The following NFASC variants were observed in gnomAD, a reference collection of about 807,000 sequenced individuals.
NFASC encodes the protein neurofascin, also known as neurofascin homolog.
Under a neutral mutation model 147.5 loss-of-function variants are expected in NFASC, and 43 were observed. That is an observed-to-expected ratio of 0.29 (90% CI 0.23 to 0.38). The LOEUF (loss-of-function observed/expected upper bound fraction) is 0.38. Among genes scored for constraint, NFASC ranks in the 10% least tolerant of loss-of-function variants. The pLI is 1.00. For missense variants in NFASC, 1,320 were observed against 1,689.0 expected (o/e 0.78, Z 3.83); for synonymous variants, 622 against 665.5 (o/e 0.93, Z 1.01).
At chr1:204,880,161 C>T (rs2079872641) in intron 1 of NFASC, among the ~76,000 whole-genome samples, 1 of 152,146 alleles carries the variant, frequency 6.6e-6, no homozygotes, top group African/African-American at 2.4e-5. Flanking sequence ...GCCCCTCATC[C>T]CTGTCCATGT....
intron 24 of NFASC, among the ~76,000 whole-genome samples, chr1:204,993,132 G>T (rs370851630): frequency 6.6e-6 from 1 of 152,178 alleles, no homozygotes; most frequent in Non-Finnish European, 1.5e-5. Flanking sequence ...CTGGCGTCCG[G>T]CCCACTGCTG....
At chr1:204,902,923 T>C (rs936946576) in intron 1 of NFASC, among the ~76,000 whole-genome samples, 2 of 152,222 alleles carry the variant, frequency 1.3e-5, no homozygotes, top group Admixed American at 6.5e-5. Flanking sequence ...TGTGAATGTA[T>C]TTCCGCAGCC....
chr1:204,834,455 C>T (rs1376038247), intron 1 of NFASC, among the ~76,000 whole-genome samples: 1 of 152,094 alleles, frequency 6.6e-6, no homozygotes, highest in African/African-American at 2.4e-5. Flanking sequence ...CCCTATCATC[C>T]CCTCCCGGCT....
intron 1 of NFASC, among the ~76,000 whole-genome samples, chr1:204,904,093 G>T (rs920224166): frequency 6.6e-5 from 10 of 152,004 alleles, no homozygotes; most frequent in Non-Finnish European, 1.3e-4. Flanking sequence ...CGAGTTTTTC[G>T]TGTGTGTGTT....
intron 1 of NFASC, among the ~76,000 whole-genome samples, chr1:204,904,732 A>C (rs1333353802): frequency 6.6e-6 from 1 of 152,206 alleles, no homozygotes; most frequent in Non-Finnish European, 1.5e-5. Flanking sequence ...TTATTGGAAC[A>C]GCTTTTCTTT....
In NFASC at chr1:204,919,520, A is replaced by G. The variant is rs145031298; in HGVS notation, c.-199-1112A>G. ...ATTGTAGGTATATAGGATATATTTT[A>G]AATAGATTCCTGGAATTGGGATTGT... is the stretch of plus-strand genomic sequence containing the variant. On this transcript the variant is annotated intron_variant, in intron 1 of 29. Transcript: ENST00000339876. Among the ~76,000 whole-genome samples the G allele has an allele frequency of 3.2e-3, 488 of 152,296 alleles. 11 individuals are homozygous for G. Among genetic ancestry groups the G allele is most frequent in the East Asian group, 0.013 (65 of 5,178 alleles).
intron 2 of NFASC, among the ~76,000 whole-genome samples, chr1:204,935,435 G>A (rs559043306): frequency 3.3e-4 from 51 of 152,362 alleles, no homozygotes; most frequent in African/African-American, 1.2e-3. Context: ...ATGTGTCTGG[G>A]AAACTGGAGA....
At chr1:204,977,431 A>AG (rs1162819815) in intron 16 of NFASC, among the ~76,000 whole-genome samples, 1 of 152,180 alleles carries the variant, frequency 6.6e-6, no homozygotes, top group Non-Finnish European at 1.5e-5. Flanking sequence ...AGTTGCAGAG[A>AG]GGGTGGGCCC....
At chr1:204,963,139 G>C (rs2094770914) in intron 8 of NFASC, among the ~76,000 whole-genome samples, 1 of 152,294 alleles carries the variant, frequency 6.6e-6, no homozygotes, top group South Asian at 2.1e-4. Flanking sequence ...ATGAGTGACT[G>C]GAGAAGGGGA....
rs1422835873 is a variant in NFASC at position 204,987,664 on chromosome 1, G to A, written c.2593+124G>A. On this transcript the variant is annotated intron_variant, in intron 22 of 29. Transcript: ENST00000339876. The surrounding 1 kb of genome is among the most constrained non-coding windows in gnomAD (Gnocchi z 4.4). ...CAGATGGCATTGTGGAGGGATGGAG[G>A]GGCCAACGAAACAGTTCCCAATAGG... The A allele has an allele frequency of 2.7e-6, 3 of 1,117,752 alleles. No homozygotes were observed. Among genetic ancestry groups the A allele is most frequent in the South Asian group, 1.4e-5 (1 of 70,518 alleles). 69.2% of individuals were successfully genotyped at this position (1,117,752 alleles called of 1,614,324 possible). A position where few individuals can be genotyped will look rare whatever the true frequency, so the allele number is the denominator to read the frequency against.
At chr1:204,897,198 G>A (rs995396481) in intron 1 of NFASC, among the ~76,000 whole-genome samples, 45 of 152,284 alleles carry the variant, frequency 3.0e-4, no homozygotes, top group Non-Finnish European at 5.4e-4. Context: ...AGGATATCAA[G>A]GAAGGCCTTT....
rs2096014365 is a variant in NFASC, at chr1:205,002,631, C to T, written c.3172C>T (p.Gln1058Ter). The change falls in exon 27 of 30, where the codon CAG (glutamine) becomes TAG (stop). Residue 1058 changes from glutamine to a stop codon, truncating the protein, a stop_gained. Coordinates refer to ENST00000339876, the MANE Select transcript of NFASC (RefSeq NM_001005388.3). LOFTEE classifies it high-confidence loss of function. ...HTKKTVPVKA[Q>*]AQPIQLTDLY... is the part of the protein sequence containing the mutation. ...GAAAAAAACTGTCCCAGTTAAGGCCCAGGCTCAGCCTATACAGCTGACAGA... is the reference window on the plus strand; with the variant it reads ...GAAAAAAACTGTCCCAGTTAAGGCCTAGGCTCAGCCTATACAGCTGACAGA... 6.4e-7 allele frequency: 1 copy of T among 1,551,360 alleles called. No homozygotes were observed. The highest frequency in any genetic ancestry group is 1.7e-5 in the Admixed American group (1 of 57,444).
intron 10 of NFASC, 40 bp from the exon 11 acceptor site, chr1:204,970,576 G>C: frequency 6.2e-7 from 1 of 1,611,862 alleles, no homozygotes; most frequent in Non-Finnish European, 8.5e-7. Flanking sequence ...CCTGTCCCAT[G>C]CCATCTAACT....
chr1:204,970,074 CAAAAAAAAAA>C (rs11307141), intron 10 of NFASC, among the ~76,000 whole-genome samples: 2 of 65,460 alleles, frequency 3.1e-5, no homozygotes, highest in Admixed American at 1.8e-4. Flanking sequence ...GACTCCATCT[CAAAAAAAAAA>C]AAAAAAAAAA....
At chr1:204,963,166 G>C (rs1236110261) in intron 8 of NFASC, among the ~76,000 whole-genome samples, 2 of 152,308 alleles carry the variant, frequency 1.3e-5, no homozygotes, top group South Asian at 2.1e-4. Context: ...GAGGGAGCGC[G>C]AGCCAGGGAG....
chr1:204,882,330 C>T (rs2080422021), intron 1 of NFASC, among the ~76,000 whole-genome samples: 1 of 152,190 alleles, frequency 6.6e-6, no homozygotes, highest in Admixed American at 6.5e-5. Context: ...CCCACAGTTC[C>T]CCCTGCTCTG....
intron 23 of NFASC, chr1:204,990,365 T>C (rs1459991777): frequency 6.6e-6 from 1 of 151,846 alleles, no homozygotes; most frequent in Non-Finnish European, 1.5e-5. Flanking sequence ...TGCAAATAGA[T>C]AGATAAAGAG....
intron 24 of NFASC, among the ~76,000 whole-genome samples, chr1:204,993,923 C>T (rs1015150649): frequency 6.6e-6 from 1 of 152,238 alleles, no homozygotes; most frequent in Non-Finnish European, 1.5e-5. Flanking sequence ...GAACACTTGT[C>T]CTCCTCTCGT....
intron 1 of NFASC, among the ~76,000 whole-genome samples, chr1:204,860,300 A>C (rs549900603): frequency 6.6e-6 from 1 of 152,296 alleles, no homozygotes; most frequent in African/African-American, 2.4e-5. Context: ...ATTTTCCAAC[A>C]TGCCTGTCTC....
Sources: gnomAD v4.1 joint callset for allele counts (sites outside exome capture counted in the v4.1 genomes callset) on GRCh38, gnomAD v4.1.1 for gene constraint, Gnocchi (gnomAD v3.1) non-coding constraint, MANE v1.5 for transcripts, NCBI Gene and HGNC (gene_info 2026-07-23, HGNC 2026-07-21) for gene names.